The following CDH4 variants were observed in gnomAD, a reference collection of about 807,000 sequenced individuals.
The protein encoded by CDH4 is cadherin 4.
Under a neutral mutation model 86.0 loss-of-function variants are expected in CDH4, and 33 were observed. The observed-to-expected ratio is 0.38, with a 90% CI of 0.29 to 0.51. The LOEUF is 0.51. Ranked by LOEUF, CDH4 falls within the 20% of genes least tolerant of loss-of-function variation. CDH4 has a pLI of 0.86. For synonymous variants in CDH4, 555 were observed against 549.4 expected (o/e 1.01, Z -0.14); for missense variants, 1,114 against 1,307.4 (o/e 0.85, Z 2.28).
intron 2 of CDH4, among the ~76,000 whole-genome samples, chr20:61,331,091 C>A: frequency 6.6e-6 from 1 of 152,082 alleles, no homozygotes; most frequent in East Asian, 1.9e-4. Context: ...CCACAGCCAC[C>A]CCACGTGTGG....
intron 2 of CDH4, among the ~76,000 whole-genome samples, chr20:61,413,657 T>C (rs1223126991): frequency 6.6e-6 from 1 of 152,250 alleles, no homozygotes; most frequent in Admixed American, 6.5e-5. Context: ...GGCGGTTGGA[T>C]GGGCCTTGCA....
intron 4 of CDH4, among the ~76,000 whole-genome samples, chr20:61,775,612 T>G (rs1359811330): frequency 6.6e-6 from 1 of 152,138 alleles, no homozygotes; most frequent in Non-Finnish European, 1.5e-5. Context: ...GGCCATGATT[T>G]GACAACTGCC....
chr20:61,631,218 C>T (rs2086885060), intron 2 of CDH4, among the ~76,000 whole-genome samples: 1 of 152,218 alleles, frequency 6.6e-6, no homozygotes, highest in Non-Finnish European at 1.5e-5. Context: ...GTGATGGCTG[C>T]TAGGCGTTTC....
chr20:61,855,448 G>A (rs1175576132), intron 6 of CDH4, among the ~76,000 whole-genome samples: 2 of 152,172 alleles, frequency 1.3e-5, no homozygotes, highest in Admixed American at 6.5e-5. Flanking sequence ...AAAGAAAACG[G>A]ATGAGGACAC....
intron 2 of CDH4, among the ~76,000 whole-genome samples, chr20:61,611,290 A>C (rs908084869): frequency 6.6e-6 from 1 of 152,102 alleles, no homozygotes; most frequent in African/African-American, 2.4e-5. Flanking sequence ...GTCCCATCTG[A>C]GAATATACAG....
chr20:61,737,817 C>T lies in CDH4; in HGVS notation c.170-5746C>T, dbSNP rs113785637. On this transcript the variant is annotated intron_variant, in intron 2 of 15. Transcript: ENST00000614565. ...CCCCCTCCCCGAGTCCCTGCCATCACTCCCATTTCACAGAAACAAAGACTG... is the reference window on the plus strand; with the variant it reads ...CCCCCTCCCCGAGTCCCTGCCATCATTCCCATTTCACAGAAACAAAGACTG... Among the ~76,000 whole-genome samples, 1,367 of 152,328 alleles carry T rather than the reference C, an allele frequency of 9.0e-3. 20 individuals carry two copies. The highest frequency in any genetic ancestry group is 0.032 in the African/African-American group (1,313 of 41,570).
At chr20:61,528,798 G>A (rs999357902) in intron 2 of CDH4, among the ~76,000 whole-genome samples, 3 of 152,032 alleles carry the variant, frequency 2.0e-5, no homozygotes, top group East Asian at 3.9e-4. Context: ...GCGGGGCCTG[G>A]CTGCTCTCCC....
intron 2 of CDH4, among the ~76,000 whole-genome samples, chr20:61,320,145 T>G (rs1016382451): frequency 1.3e-5 from 2 of 152,192 alleles, no homozygotes; most frequent in Non-Finnish European, 2.9e-5. Flanking sequence ...TCTGCATTTA[T>G]TTGGGCCTCG....
At chr20:61,399,485 G>A (rs1304327449) in intron 2 of CDH4, among the ~76,000 whole-genome samples, 1 of 152,280 alleles carries the variant, frequency 6.6e-6, no homozygotes, top group Non-Finnish European at 1.5e-5. Context: ...CGTACCCAAA[G>A]GTAGAGAGCA....
chr20:61,830,622 C>T (rs536554096), intron 4 of CDH4, among the ~76,000 whole-genome samples: 4 of 152,238 alleles, frequency 2.6e-5, no homozygotes, highest in African/African-American at 9.6e-5. Context: ...CCTCAACAGA[C>T]GCCCTAGCGT....
intron 2 of CDH4, among the ~76,000 whole-genome samples, chr20:61,620,481 A>G (rs373702207): frequency 1.3e-5 from 2 of 152,126 alleles, no homozygotes; most frequent in East Asian, 3.9e-4. Context: ...GGATAGATAG[A>G]TGGATGATGG....
chr20:61,528,421 G>A (rs1217858884), intron 2 of CDH4, among the ~76,000 whole-genome samples: 4 of 114,014 alleles, frequency 3.5e-5, no homozygotes, highest in African/African-American at 3.3e-5. Flanking sequence ...GGGGTGGAGG[G>A]GGAGAGGAGG....
At chr20:61,667,803 C>G (rs1302528067) in intron 2 of CDH4, among the ~76,000 whole-genome samples, 2 of 152,150 alleles carry the variant, frequency 1.3e-5, no homozygotes, top group African/African-American at 2.4e-5. Context: ...GACAAGCAGG[C>G]CAGGAAGAGT....
At chr20:61,553,221 C>T (rs538702296) in intron 2 of CDH4, among the ~76,000 whole-genome samples, 1 of 152,260 alleles carries the variant, frequency 6.6e-6, no homozygotes, top group South Asian at 2.1e-4. Context: ...ATTCTAAATC[C>T]CCAGAATAGG....
At chr20:61,658,918 A>G (rs2087222017) in intron 2 of CDH4, among the ~76,000 whole-genome samples, 1 of 152,188 alleles carries the variant, frequency 6.6e-6, no homozygotes, top group African/African-American at 2.4e-5. Context: ...CCCACAATTC[A>G]GAGTGAACCC....
chr20:61,731,042 A>AT (rs752928291), intron 2 of CDH4, among the ~76,000 whole-genome samples: 9 of 151,936 alleles, frequency 5.9e-5, no homozygotes, highest in South Asian at 2.1e-4. Context: ...GTGTGGGCAG[A>AT]CCCCAGAGAC....
At chr20:61,360,395 T>C (rs571052951) in intron 2 of CDH4, among the ~76,000 whole-genome samples, 1 of 152,254 alleles carries the variant, frequency 6.6e-6, no homozygotes, top group East Asian at 1.9e-4. Context: ...AGAGCCGCGG[T>C]CAGGATCCCG....
At chr20:61,297,318 G>A (rs1160831705) in intron 2 of CDH4, among the ~76,000 whole-genome samples, 3 of 152,262 alleles carry the variant, frequency 2.0e-5, no homozygotes, top group Admixed American at 6.5e-5. Flanking sequence ...CCCGGGAGGC[G>A]GAAGATGCAA....
intron 7 of CDH4, among the ~76,000 whole-genome samples, chr20:61,892,687 C>A (rs571421725): frequency 1.3e-5 from 2 of 152,200 alleles, no homozygotes; most frequent in East Asian, 3.9e-4. Flanking sequence ...ATAAAAGATC[C>A]CAAAACTTAG....
Sources: gnomAD v4.1 joint callset for allele counts (sites outside exome capture counted in the v4.1 genomes callset) on GRCh38, gnomAD v4.1.1 for gene constraint, MANE v1.5 for transcripts, NCBI Gene and HGNC (gene_info 2026-07-23, HGNC 2026-07-21) for gene names.